ADGRB3: variants seen among roughly 807,000 people sequenced by gnomAD.
ADGRB3 encodes adhesion G protein-coupled receptor B3, also known as brain-specific angiogenesis inhibitor 3.
Under a neutral mutation model 193.4 loss-of-function variants are expected in ADGRB3, and 37 were observed. The ratio of observed to expected loss-of-function variants is 0.19; its 90% CI spans 0.15 to 0.25. The LOEUF is 0.25. Ranked by LOEUF, ADGRB3 falls within the 10% of genes least tolerant of loss-of-function variation. The pLI is 1.00. For missense variants in ADGRB3, 1,637 were observed against 1,852.9 expected, an observed-to-expected ratio of 0.88 and a Z score of 2.14; for synonymous variants, 690 against 644.2, an observed-to-expected ratio of 1.07 and a Z score of -1.08.
chr6:69,342,267 A>G (rs1582644056), intron 26 of ADGRB3, among the ~76,000 whole-genome samples: 1 of 152,154 alleles, frequency 6.6e-6, no homozygotes, highest in African/African-American at 2.4e-5. Flanking sequence ...TTCAAGTTGA[A>G]TAATTTTATA....
At chr6:68,705,805 C>T (rs995869316) in intron 3 of ADGRB3, among the ~76,000 whole-genome samples, 3 of 152,102 alleles carry the variant, frequency 2.0e-5, no homozygotes, top group African/African-American at 7.2e-5. Flanking sequence ...GGAGTCAGTT[C>T]AAAATACAGC....
At chr6:68,917,028 C>T (rs1003064041) in intron 3 of ADGRB3, among the ~76,000 whole-genome samples, 62 of 152,214 alleles carry the variant, frequency 4.1e-4, no homozygotes, top group African/African-American at 1.3e-3. Context: ...ATGATGTGAG[C>T]AGTTAGGAGA....
intron 3 of ADGRB3, among the ~76,000 whole-genome samples, chr6:68,759,829 G>A (rs1418391743): frequency 6.6e-6 from 1 of 151,976 alleles, no homozygotes; most frequent in Non-Finnish European, 1.5e-5. Flanking sequence ...GAAAACTATA[G>A]ATGAAGAAAA....
chr6:68,855,552 G>C (rs2127392596), intron 3 of ADGRB3, among the ~76,000 whole-genome samples: 1 of 151,704 alleles, frequency 6.6e-6, no homozygotes, highest in Non-Finnish European at 1.5e-5. Context: ...TATATCCTTT[G>C]ATATTATTAA....
At chr6:69,109,162 G>A (rs1019067092) in intron 17 of ADGRB3, among the ~76,000 whole-genome samples, 1 of 148,668 alleles carries the variant, frequency 6.7e-6, no homozygotes, top group South Asian at 2.1e-4. Context: ...ATTTCTCTTA[G>A]TATAAGCAAA....
chr6:69,103,184 A>G (rs1423512972), intron 17 of ADGRB3, among the ~76,000 whole-genome samples: 3 of 152,196 alleles, frequency 2.0e-5, no homozygotes, highest in Admixed American at 2.0e-4. Flanking sequence ...GTACATAATG[A>G]CATTCACCTA....
chr6:68,645,551 A>C (rs1768189015), intron 3 of ADGRB3, among the ~76,000 whole-genome samples: 1 of 152,208 alleles, frequency 6.6e-6, no homozygotes, highest in Admixed American at 6.5e-5. Flanking sequence ...CACCTTTGAC[A>C]AGTGACTGAG....
intron 3 of ADGRB3, among the ~76,000 whole-genome samples, chr6:68,740,932 C>T (rs1456419318): frequency 1.3e-5 from 2 of 152,122 alleles, no homozygotes; most frequent in East Asian, 3.9e-4. Context: ...ACTCCTCACC[C>T]CCACCAACTT....
At chr6:68,947,426 C>T (rs878953123) in intron 6 of ADGRB3, among the ~76,000 whole-genome samples, 1 of 151,864 alleles carries the variant, frequency 6.6e-6, no homozygotes, top group South Asian at 2.1e-4. Context: ...TCTTTTATTT[C>T]CTGTTTCTCT....
intron 23 of ADGRB3, among the ~76,000 whole-genome samples, chr6:69,331,384 CTG>C: frequency 6.6e-6 from 1 of 152,180 alleles, no homozygotes; most frequent in Admixed American, 6.5e-5. Context: ...AGGAAAGAAA[CTG>C]TCTAAATTAA....
At chr6:69,231,006 A>G (rs186918959) in intron 17 of ADGRB3, among the ~76,000 whole-genome samples, 3 of 152,344 alleles carry the variant, frequency 2.0e-5, no homozygotes, top group Non-Finnish European at 4.4e-5. Flanking sequence ...AAAGGGCCCC[A>G]GTGAGAGTAG....
intron 17 of ADGRB3, among the ~76,000 whole-genome samples, chr6:69,093,010 AG>A (rs1772760449): frequency 6.8e-6 from 1 of 148,016 alleles, no homozygotes; most frequent in African/African-American, 2.5e-5. Flanking sequence ...GCCGACATTC[AG>A]GGGTGGAAGG....
At chr6:68,945,248 C>A (rs990614955) in intron 6 of ADGRB3, among the ~76,000 whole-genome samples, 1 of 152,000 alleles carries the variant, frequency 6.6e-6, no homozygotes, top group Non-Finnish European at 1.5e-5. Context: ...ATTTTACTGA[C>A]TAATATAAAT....
chr6:69,300,649 A>G (rs1353145314), intron 20 of ADGRB3, among the ~76,000 whole-genome samples: 2 of 151,852 alleles, frequency 1.3e-5, no homozygotes, highest in Admixed American at 1.3e-4. Flanking sequence ...ATTAAAAACC[A>G]GCAGCATTTA....
At chr6:69,124,242 T>C (rs1346724806) in intron 17 of ADGRB3, among the ~76,000 whole-genome samples, 3 of 152,180 alleles carry the variant, frequency 2.0e-5, no homozygotes. Flanking sequence ...TTGTGTCCCA[T>C]TGAAAATGCC....
intron 3 of ADGRB3, among the ~76,000 whole-genome samples, chr6:68,643,463 T>TTTTTTTTGG (rs1259604102): frequency 7.1e-6 from 1 of 140,334 alleles, no homozygotes; most frequent in Non-Finnish European, 1.5e-5. Context: ...TTTTTTTTCG[T>TTTTTTTTGG]ATGTCACTGC....
intron 3 of ADGRB3, among the ~76,000 whole-genome samples, chr6:68,775,171 T>C (rs1394917214): frequency 3.1e-5 from 4 of 127,364 alleles, no homozygotes; most frequent in Non-Finnish European, 6.6e-5. Flanking sequence ...AGTCTTTTAA[T>C]GTTAGTTTTC....
intron 19 of ADGRB3, among the ~76,000 whole-genome samples, chr6:69,238,712 T>A (rs1225991840): frequency 6.6e-6 from 1 of 151,960 alleles, no homozygotes; most frequent in Non-Finnish European, 1.5e-5. Flanking sequence ...AAAGTTTATA[T>A]TGGTTGATTC....
chr6:69,174,162 C>G (rs959176146), intron 17 of ADGRB3, among the ~76,000 whole-genome samples: 1 of 152,094 alleles, frequency 6.6e-6, no homozygotes, highest in African/African-American at 2.4e-5. Context: ...GGGGATATTA[C>G]ATGCTGCTGA....
Sources: gnomAD v4.1 joint callset for allele counts (sites outside exome capture counted in the v4.1 genomes callset) on GRCh38, gnomAD v4.1.1 for gene constraint, MANE v1.5 for transcripts, NCBI Gene and HGNC (gene_info 2026-07-23, HGNC 2026-07-21) for gene names.